MYO1G: variants seen among roughly 807,000 people sequenced by gnomAD.
MYO1G encodes the protein unconventional myosin-Ig.
Under a neutral mutation model 115.3 loss-of-function variants are expected in MYO1G, and 65 were observed. That is an observed-to-expected ratio of 0.56 (90% confidence interval 0.46 to 0.69). MYO1G has a LOEUF of 0.69. Ranked by LOEUF, MYO1G falls within the 30% of genes least tolerant of loss-of-function variation. The pLI, the probability that MYO1G is intolerant of heterozygous loss-of-function variation, is 0.00. For synonymous variants in MYO1G, 510 were observed against 552.6 expected, an observed-to-expected ratio of 0.92 and a Z score of 1.08; for missense variants, 1,204 against 1,393.5, an observed-to-expected ratio of 0.86 and a Z score of 2.16.
chr7:44,970,497 C>T, intron 9 of MYO1G, 95 bp downstream of exon 9: 1 of 1,530,032 alleles, frequency 6.5e-7, no homozygotes, highest in Middle Eastern at 1.8e-4. Context: ...GAAACCCCAA[C>T]ATTCCTGCTG....
At chr7:44,972,674 A>AC (rs1554348797) in intron 5 of MYO1G, 1 of 174,992 alleles carries the variant, frequency 5.7e-6, no homozygotes, top group Non-Finnish European at 1.2e-5. Context: ...GTTACTGGAG[A>AC]CCCTGCCCCT....
At chr7:44,967,549 G>A (rs573181281) in intron 14 of MYO1G, 56 bp downstream of exon 14, 61 of 1,607,748 alleles carry the variant, frequency 3.8e-5, no homozygotes, top group South Asian at 3.5e-4. Context: ...ACTTGGCACC[G>A]AGGGCACAGA....
Position 44,964,099 on chromosome 7 carries a change from G to T in MYO1G, c.2695C>A (p.Leu899Met), listed in dbSNP as rs1038872506. 1.9e-6 allele frequency: 3 copies of T among 1,607,020 alleles called. No individual in the cohort carries two copies. Among genetic ancestry groups the T allele is most frequent in the Admixed American group, 3.4e-5 (2 of 59,058 alleles). The change falls in exon 20 of 22, where the codon CTG becomes ATG. Residue 899 changes from leucine (L) to methionine (M), a missense_variant. Leu to Met is a conservative substitution (Grantham distance 15, BLOSUM62 2). Transcript: ENST00000258787. The surrounding 1 kb of genome is among the most constrained non-coding windows in gnomAD (Gnocchi z 5.1). The stretch of plus-strand genomic sequence containing the variant: ...ACCCGGTACTGCCGGTCAGGGTCCA[G>T]CTTGTAGAGGTGCTGGTCTGTGAGC... ...LLLTDQHLYKLDPDRQYRVMR... is the reference protein window; with the variant it reads ...LLLTDQHLYKMDPDRQYRVMR...
At position 44,970,853 on chromosome 7, in the gene MYO1G, G is replaced by A; in HGVS notation, c.1053C>T (p.Ala351=). The change falls in exon 8 of 22, where the codon GCC becomes GCT. Residue 351 remains alanine (A), a synonymous_variant. Coordinates refer to ENST00000258787, the MANE Select transcript of MYO1G (RefSeq NM_033054.3). ...AAAGTACCTTGGCACAGGCATCCCG[G>A]GCATAGCTGGCCTCAGCTGCAGTGT... ...KGHTAAEASY[A]RDACAKAVYQ... 1.2e-6 allele frequency: 2 copies of A among 1,613,588 alleles called. No individual in the cohort carries two copies. Among genetic ancestry groups the A allele is most frequent in the Non-Finnish European group, 1.7e-6 (2 of 1,180,030 alleles).
At chr7:44,968,173 C>A (rs770469878) in intron 12 of MYO1G, among the ~76,000 whole-genome samples, 1 of 152,190 alleles carries the variant, frequency 6.6e-6, no homozygotes, top group Non-Finnish European at 1.5e-5. Context: ...CATTTCTCTC[C>A]TGGAAGATGA....
At position 44,963,099 on chromosome 7, in the gene MYO1G, C is replaced by A. The variant is rs1478075228; in HGVS notation, c.2771G>T (p.Gly924Val). The A allele has an allele frequency of 6.6e-7, 1 of 1,512,758 alleles. No homozygotes were observed. The highest frequency in any genetic ancestry group is 1.4e-5 in the African/African-American group (1 of 70,052). The allele number at this position is 1,512,758 out of a possible 1,614,324, so 93.7% of individuals were successfully genotyped here. ...GTGCAGCACCACCAGCTGGTCTCCT[C>A]CGCTGGTCACGCTCAGCCCCGTCAC... ...EAVTGLSVTS[G>V]GDQLVVLHAR... The change falls in exon 21 of 22, where the codon GGA becomes GTA. Residue 924 changes from glycine to valine, a missense_variant. By Grantham distance (109) the Gly-to-Val change is moderately radical. Coordinates refer to ENST00000258787, the MANE Select transcript of MYO1G (RefSeq NM_033054.3). The surrounding 1 kb of genome is among the most constrained non-coding windows in gnomAD (Gnocchi z 4.1).
intron 5 of MYO1G, chr7:44,974,077 CA>C (rs1795006526): frequency 1.3e-5 from 2 of 151,936 alleles, no homozygotes; most frequent in Admixed American, 6.5e-5. Flanking sequence ...AAAGACAGCC[CA>C]GGGGGCTCCC....
In MYO1G at chr7:44,970,711, CCACT is replaced by C; in HGVS notation, c.1094_1097del (p.Glu365GlyfsTer3). The stretch of plus-strand genomic sequence containing the variant: ...TGACACTGTTGATCCTGTTCACCAC[CCACT>C]CAAACAGCCGCTGGTACACTGCCTG... On this transcript the variant is annotated frameshift_variant, in exon 9 of 22. Coordinates refer to ENST00000258787, the MANE Select transcript of MYO1G (RefSeq NM_033054.3). LOFTEE classifies it high-confidence loss of function. The C allele has an allele frequency of 6.2e-7, 1 of 1,614,016 alleles. No homozygotes were observed. Among genetic ancestry groups the C allele is most frequent in the East Asian group, 2.2e-5 (1 of 44,886 alleles).
Position 44,974,822 on chromosome 7 carries a change from T to G in MYO1G, c.618+352A>C, listed in dbSNP as rs1795018772. 1.4e-5 allele frequency: 5 copies of G among 353,394 alleles called. No individual in the cohort carries two copies. The South Asian group carries it at 1.4e-4, about 10-fold the overall frequency. The allele number at this position is 353,394 out of a possible 1,614,324, so 21.9% of individuals were successfully genotyped here. On this transcript the variant is annotated intron_variant, in intron 5 of 21. Coordinates refer to ENST00000258787, the MANE Select transcript of MYO1G (RefSeq NM_033054.3). ...GTCCCCAGGAGCACCACTTCAGTGTTGAGCTCTGATACCACTAGAGACACT... is the reference window on the plus strand; with the variant it reads ...GTCCCCAGGAGCACCACTTCAGTGTGGAGCTCTGATACCACTAGAGACACT...
In MYO1G at chr7:44,978,623, G is replaced by A. The variant is rs565381713; in HGVS notation, c.95+244C>T. On this transcript the variant is annotated intron_variant, in intron 1 of 21. Transcript: ENST00000258787. Reference sequence around the variant, plus strand: ...GTGTGGGAGGCAGGGGTGGGTTGAGGTGGTGGGCAGCTCCGGTGCTGACTT... The same window carrying A: ...GTGTGGGAGGCAGGGGTGGGTTGAGATGGTGGGCAGCTCCGGTGCTGACTT... Among the ~76,000 whole-genome samples, 7 of 152,342 alleles carry A rather than the reference G, an allele frequency of 4.6e-5. No homozygotes were observed. The South Asian group carries it at 8.3e-4, about 18-fold the overall frequency.
Position 44,962,687 on chromosome 7 carries a change from G to A in MYO1G, c.*52C>T. 6.9e-7 allele frequency: 1 copy of A among 1,445,958 alleles called. No homozygotes were observed. Among genetic ancestry groups the A allele is most frequent in the Admixed American group, 2.6e-5 (1 of 37,996 alleles). The allele number at this position is 1,445,958 out of a possible 1,614,324, so 89.6% of individuals were successfully genotyped here. A position where few individuals can be genotyped will look rare whatever the true frequency, so the allele number is the denominator to read the frequency against. ...GGCTGACTCAGAAGGTTTATTTGCA[G>A]CGCTGGCGGGGCGGACAATTGGCGG... On this transcript the variant is annotated 3_prime_UTR_variant, in exon 22 of 22. Coordinates refer to ENST00000258787, the MANE Select transcript of MYO1G (RefSeq NM_033054.3). The surrounding 1 kb of genome is among the most constrained non-coding windows in gnomAD (Gnocchi z 5.3).
At chr7:44,978,086 T>C (rs1795114551) in intron 1 of MYO1G, among the ~76,000 whole-genome samples, 1 of 152,174 alleles carries the variant, frequency 6.6e-6, no homozygotes, top group Non-Finnish European at 1.5e-5. Flanking sequence ...GCTCGTGGTC[T>C]CTTGCCTTCG....
Position 44,963,997 on chromosome 7 carries a change from C to T in MYO1G, c.2745+52G>A. The T allele has an allele frequency of 7.1e-7, 1 of 1,407,654 alleles. No homozygotes were observed. Among genetic ancestry groups the T allele is most frequent in the Non-Finnish European group, 9.8e-7 (1 of 1,017,810 alleles). 87.2% of individuals were successfully genotyped at this position (1,407,654 alleles called of 1,614,324 possible). A position where few individuals can be genotyped will look rare whatever the true frequency, so the allele number is the denominator to read the frequency against. On this transcript the variant is annotated intron_variant, in intron 20 of 21. Coordinates refer to ENST00000258787, the MANE Select transcript of MYO1G (RefSeq NM_033054.3). The surrounding 1 kb of genome is among the most constrained non-coding windows in gnomAD (Gnocchi z 4.1). ...GACTGAGGCAGGACTCTGAGCAGCC[C>T]AGCAGTGCCCCTCACAGATGCTGCA...
chr7:44,964,713 G>A lies in MYO1G; in HGVS notation c.2527-194C>T, dbSNP rs1396605434. 6.6e-6 allele frequency among the ~76,000 whole-genome samples: 1 copy of A among 152,126 alleles called. No individual in the cohort carries two copies. Among genetic ancestry groups the A allele is most frequent in the Admixed American group, 6.5e-5 (1 of 15,274 alleles). On this transcript the variant is annotated intron_variant, in intron 18 of 21. Coordinates refer to ENST00000258787, the MANE Select transcript of MYO1G (RefSeq NM_033054.3). The surrounding 1 kb of genome is among the most constrained non-coding windows in gnomAD (Gnocchi z 5.1). ...GCCCTCTTGTGTTGACTTCTAGGCTGCATCTGAGCCTGGCCCTCCTGTCAT... is the reference window on the plus strand; with the variant it reads ...GCCCTCTTGTGTTGACTTCTAGGCTACATCTGAGCCTGGCCCTCCTGTCAT...
Position 44,964,805 on chromosome 7 carries a change from G to A in MYO1G, c.2526+140C>T. ...TGAGACCTTGCAGAGCTCTGGTGGG[G>A]GCTGAGGTACAGGGCCACCAGGACA... On this transcript the variant is annotated intron_variant, in intron 18 of 21. Transcript: ENST00000258787. This position sits in a 1 kb window ranked among gnomAD's most constrained non-coding sequence, Gnocchi z 5.1. 2 of 1,289,086 alleles carry A rather than the reference G, an allele frequency of 1.6e-6. No homozygotes were observed. The highest frequency in any genetic ancestry group is 4.7e-5 in the East Asian group (2 of 42,808). 79.9% of individuals were successfully genotyped at this position (1,289,086 alleles called of 1,614,324 possible). A position where few individuals can be genotyped will look rare whatever the true frequency, so the allele number is the denominator to read the frequency against.
chr7:44,964,335 A>G lies in MYO1G; in HGVS notation c.2631+80T>C. On this transcript the variant is annotated intron_variant, in intron 19 of 21. Transcript: ENST00000258787. The surrounding 1 kb of genome is among the most constrained non-coding windows in gnomAD (Gnocchi z 5.1). ...ATTTTCTCCCAAGTGCCCCCCCAAA[A>G]CTCTGCACCAGCTTCTAACCTTGCA... is the stretch of plus-strand genomic sequence containing the variant. The G allele has an allele frequency of 6.9e-7, 1 of 1,452,268 alleles. No homozygotes were observed. Among genetic ancestry groups the G allele is most frequent in the Non-Finnish European group, 9.7e-7 (1 of 1,035,188 alleles). The allele number at this position is 1,452,268 out of a possible 1,614,324, so 90.0% of individuals were successfully genotyped here.
intron 16 of MYO1G, 71 bp from the exon 17 acceptor site, chr7:44,965,931 G>GC: frequency 5.2e-6 from 8 of 1,551,314 alleles, no homozygotes; most frequent in Non-Finnish European, 5.3e-6. Context: ...CCCAAACCTG[G>GC]CCCTGAGCAT....
Position 44,967,707 on chromosome 7 carries a change from C to G in MYO1G, c.1680G>C (p.Pro560=), listed in dbSNP as rs530780405. ...CCTCTGTGATGTCCTGCTGCCCGTC[C>G]GGCCACATGGCCCGTAGAGTGGGGT... ...STDPTLRAMW[P]DGQQDITEVT... Residue 560 remains proline, a synonymous_variant, in exon 14 of 22, where the codon CCG becomes CCC. Transcript: ENST00000258787. The G allele has an allele frequency of 6.2e-7, 1 of 1,613,664 alleles. No homozygotes were observed. Among genetic ancestry groups the G allele is most frequent in the East Asian group, 2.2e-5 (1 of 44,882 alleles).
Position 44,962,921 on chromosome 7 carries a change from G to A in MYO1G, c.2901-26C>T, listed in dbSNP as rs1182347642. 4 of 1,499,106 alleles carry A rather than the reference G, an allele frequency of 2.7e-6. No individual in the cohort carries two copies. The East Asian group carries it at 1.1e-4, about 40-fold the overall frequency. The allele number at this position is 1,499,106 out of a possible 1,614,324, so 92.9% of individuals were successfully genotyped here. On this transcript the variant is annotated intron_variant, in intron 21 of 21. Transcript: ENST00000258787. This position sits in a 1 kb window ranked among gnomAD's most constrained non-coding sequence, Gnocchi z 5.3. ...CTGCGGCAGGAGGAGGGGTCAGGGC[G>A]GCCACGCGGCCGGGGCTTCGTGCCC... is the stretch of plus-strand genomic sequence containing the variant.
Sources: gnomAD v4.1 joint callset for allele counts (sites outside exome capture counted in the v4.1 genomes callset) on GRCh38, gnomAD v4.1.1 for gene constraint, Gnocchi (gnomAD v3.1) non-coding constraint, MANE v1.5 for transcripts, NCBI Gene and HGNC (gene_info 2026-07-23, HGNC 2026-07-21) for gene names.